Variants in CLINT1 observed in about 807,000 individuals in gnomAD.
CLINT1 encodes the protein clathrin interactor 1.
In CLINT1, 15 loss-of-function variants were observed where a neutral mutation model predicts 70.4. That is an observed-to-expected ratio of 0.21 (90% confidence interval 0.14 to 0.33). The LOEUF is 0.33. Among genes scored for constraint, CLINT1 ranks in the 10% least tolerant of loss-of-function variants. The pLI is 1.00. For missense variants in CLINT1, 615 were observed against 778.1 expected (o/e 0.79, Z 2.49); for synonymous variants, 227 against 254.7 (o/e 0.89, Z 1.04).
At chr5:157,793,030 A>G (rs556736055) in intron 9 of CLINT1, among the ~76,000 whole-genome samples, 1 of 152,348 alleles carries the variant, frequency 6.6e-6, no homozygotes, top group South Asian at 2.1e-4. Flanking sequence ...TCATTATGCT[A>G]AATATCAAAA....
chr5:157,824,030 T>C (rs1423358861), intron 1 of CLINT1, among the ~76,000 whole-genome samples: 2 of 152,116 alleles, frequency 1.3e-5, no homozygotes, highest in East Asian at 1.9e-4. Flanking sequence ...TGTGCAAAAA[T>C]TGTCTTCCAC....
rs539414657 is a variant in CLINT1 at position 157,816,511 on chromosome 5, A to C, written c.243+223T>G. ...CATTTTAGTAGGAAAAATTTTAAGA[A>C]ATAATCAACATTTAGAAGTATTATT... On this transcript the variant is annotated intron_variant, in intron 3 of 11. Transcript: ENST00000411809. Among the ~76,000 whole-genome samples, 16 of 152,302 alleles carry C rather than the reference A, an allele frequency of 1.1e-4. No individual in the cohort carries two copies. The South Asian group carries it at 3.3e-3, about 32-fold the overall frequency.
intron 5 of CLINT1, among the ~76,000 whole-genome samples, chr5:157,811,211 G>A (rs933857522): frequency 1.3e-5 from 2 of 152,102 alleles, no homozygotes; most frequent in African/African-American, 4.8e-5. Flanking sequence ...TAAAGATACT[G>A]GATATTGGCA....
At chr5:157,834,234 T>C (rs1012875398) in intron 1 of CLINT1, among the ~76,000 whole-genome samples, 3 of 152,060 alleles carry the variant, frequency 2.0e-5, no homozygotes, top group African/African-American at 7.2e-5. Flanking sequence ...GGCATGGCAG[T>C]GTGCACCTGT....
intron 8 of CLINT1, chr5:157,795,679 C>T (rs1268384914): frequency 2.0e-5 from 3 of 151,808 alleles, no homozygotes; most frequent in South Asian, 2.1e-4. Context: ...GCAAATTTTC[C>T]GTATGCTTGT....
rs367761004 is a variant in CLINT1, at chr5:157,842,063, A to C, written c.41+16867T>G. ...AGTTAAAATGCAGCATGAACATTAT[A>C]AGCTTTTAGATATAGATGTAAGTTT... On this transcript the variant is annotated intron_variant, in intron 1 of 11. Coordinates refer to ENST00000411809, the MANE Select transcript of CLINT1 (RefSeq NM_014666.4). Among the ~76,000 whole-genome samples, 3 of 152,236 alleles carry C rather than the reference A, an allele frequency of 2.0e-5. No individual in the cohort carries two copies. In the East Asian group the frequency reaches 5.8e-4, roughly 29 times the overall value.
chr5:157,831,245 T>TGG (rs1354542214), intron 1 of CLINT1, among the ~76,000 whole-genome samples: 1 of 151,530 alleles, frequency 6.6e-6, no homozygotes, highest in East Asian at 1.9e-4. Flanking sequence ...TGGAGTGCAG[T>TGG]GGCAGGATCT....
intron 10 of CLINT1, among the ~76,000 whole-genome samples, chr5:157,790,845 C>CAA (rs1761880191): frequency 2.0e-5 from 3 of 152,040 alleles, no homozygotes; most frequent in African/African-American, 7.2e-5. Flanking sequence ...GGTTGTTTTT[C>CAA]TTTATGAAAA....
At position 157,786,504 on chromosome 5, in the gene CLINT1, G is replaced by A. The variant is rs1231241984; in HGVS notation, c.*1142C>T. ...CTCTAGAATCATGATTTTCATGTGA[G>A]CTTAATGCAGAATTACAGCAGAAAA... On this transcript the variant is annotated 3_prime_UTR_variant, in exon 12 of 12. Transcript: ENST00000411809. 2 of 152,444 alleles carry A rather than the reference G, an allele frequency of 1.3e-5. No individual in the cohort carries two copies. The highest frequency in any genetic ancestry group is 1.3e-4 in the Admixed American group (2 of 15,260). The allele number at this position is 152,444 out of a possible 1,614,324, so 9.4% of individuals were successfully genotyped here.
At chr5:157,857,954 A>G (rs1350035826) in intron 1 of CLINT1, among the ~76,000 whole-genome samples, 1 of 152,242 alleles carries the variant, frequency 6.6e-6, no homozygotes, top group African/African-American at 2.4e-5. Context: ...CTTATTGCAT[A>G]ATCATTAAAG....
chr5:157,843,015 G>A (rs1392932458), intron 1 of CLINT1, among the ~76,000 whole-genome samples: 1 of 152,126 alleles, frequency 6.6e-6, no homozygotes, highest in Non-Finnish European at 1.5e-5. Flanking sequence ...GGTTTCACAA[G>A]AAGATCAAAT....
chr5:157,832,752 G>T (rs951989144), intron 1 of CLINT1, among the ~76,000 whole-genome samples: 6 of 152,156 alleles, frequency 3.9e-5, no homozygotes, highest in African/African-American at 1.4e-4. Flanking sequence ...ACACTTGAGA[G>T]ATTACTTCTC....
At chr5:157,801,653 T>G (rs1228283287) in intron 8 of CLINT1, among the ~76,000 whole-genome samples, 1 of 151,610 alleles carries the variant, frequency 6.6e-6, no homozygotes, top group African/African-American at 2.4e-5. Flanking sequence ...GCCAACACAG[T>G]GAAACTCCGT....
intron 1 of CLINT1, among the ~76,000 whole-genome samples, chr5:157,848,425 G>A (rs1753455499): frequency 6.6e-6 from 1 of 151,528 alleles, no homozygotes; most frequent in East Asian, 1.9e-4. Flanking sequence ...TTTTTATTGA[G>A]ACGCAGTCTC....
At chr5:157,836,530 T>C (rs1455995197) in intron 1 of CLINT1, among the ~76,000 whole-genome samples, 1 of 152,224 alleles carries the variant, frequency 6.6e-6, no homozygotes, top group Non-Finnish European at 1.5e-5. Flanking sequence ...CATAGTGGTG[T>C]CATTAAGCGG....
intron 1 of CLINT1, among the ~76,000 whole-genome samples, chr5:157,830,651 C>T (rs979961067): frequency 7.3e-5 from 11 of 151,470 alleles, no homozygotes; most frequent in Admixed American, 4.6e-4. Context: ...CAAGGTGGGG[C>T]GACTGCTTGA....
intron 8 of CLINT1, chr5:157,796,134 T>G (rs563690920): frequency 1.3e-5 from 2 of 152,346 alleles, no homozygotes; most frequent in East Asian, 3.9e-4. Flanking sequence ...TAGTGTTTAC[T>G]CCATAAAAGA....
intron 1 of CLINT1, among the ~76,000 whole-genome samples, chr5:157,857,765 T>C (rs1183304356): frequency 6.6e-6 from 1 of 152,250 alleles, no homozygotes; most frequent in Non-Finnish European, 1.5e-5. Flanking sequence ...AGGCACTCTA[T>C]TGCCTTCTTG....
chr5:157,850,099 A>T (rs1753521001), intron 1 of CLINT1, among the ~76,000 whole-genome samples: 5 of 152,208 alleles, frequency 3.3e-5, no homozygotes, highest in Admixed American at 3.3e-4. Context: ...AGAAGAGATC[A>T]CAGGCGGGGC....
Sources: allele counts gnomAD v4.1 joint callset (sites outside exome capture counted in the v4.1 genomes callset), GRCh38; gene constraint gnomAD v4.1.1; transcripts MANE v1.5; gene names NCBI Gene and HGNC (gene_info 2026-07-23, HGNC 2026-07-21).